RSU1: variants seen among roughly 807,000 people sequenced by gnomAD.
RSU1 encodes rsu-1.
RSU1 carries 26 observed loss-of-function variants against 31.1 expected under a neutral mutation model. The ratio of observed to expected loss-of-function variants is 0.84; its 90% CI spans 0.61 to 1.16. The LOEUF is 1.16. RSU1 is among the 50% of genes most tolerant of loss of function. The pLI is 0.00. For missense variants in RSU1, 320 were observed against 339.1 expected (o/e 0.94, Z 0.44); for synonymous variants, 164 against 136.3 (o/e 1.20, Z -1.41).
intron 8 of RSU1, among the ~76,000 whole-genome samples, chr10:16,622,138 A>T (rs1387280516): frequency 6.6e-6 from 1 of 152,152 alleles, no homozygotes; most frequent in East Asian, 1.9e-4. Context: ...ACCCCAATAC[A>T]GGTGCTGTTT....
chr10:16,688,541 G>T (rs1407532241), intron 8 of RSU1, among the ~76,000 whole-genome samples: 1 of 152,082 alleles, frequency 6.6e-6, no homozygotes, highest in East Asian at 1.9e-4. Context: ...CCCGGAAGGC[G>T]GAGCTTGCAG....
At chr10:16,757,836 T>C (rs1335246852) in intron 4 of RSU1, among the ~76,000 whole-genome samples, 4 of 152,240 alleles carry the variant, frequency 2.6e-5, no homozygotes, top group Non-Finnish European at 5.9e-5. Flanking sequence ...TAAACGCTGC[T>C]TTCGGTTATC....
At chr10:16,595,787 T>C (rs1316425678) in intron 8 of RSU1, among the ~76,000 whole-genome samples, 2 of 150,794 alleles carry the variant, frequency 1.3e-5, no homozygotes, top group African/African-American at 2.5e-5. Flanking sequence ...GCCAACATGG[T>C]GAAACCCCAT....
Position 16,809,992 on chromosome 10 carries a change from T to TC in RSU1, c.109+6980_109+6981insG, listed in dbSNP as rs1056380926. Among the ~76,000 whole-genome samples, 7 of 83,850 alleles carry TC rather than the reference T, an allele frequency of 8.3e-5. No homozygotes were observed. In the East Asian group the frequency reaches 9.8e-4, roughly 12 times the overall value. The allele number at this position is 83,850 out of a possible 152,430, so 55.0% of individuals were successfully genotyped here. On this transcript the variant is annotated intron_variant, in intron 2 of 8. Coordinates refer to ENST00000345264, the MANE Select transcript of RSU1 (RefSeq NM_012425.4). ...TCCCAGCAATTTGGGAGGCCGGGGG[T>TC]GGGGGGGGGAGGTGAATCACCTGAG...
chr10:16,639,507 G>T lies in RSU1; in HGVS notation c.732-46011C>A, dbSNP rs556442124. The stretch of plus-strand genomic sequence containing the variant: ...AAATATTTTGGTACAATTAATGCGG[G>T]TTTAAAGGTAGAAACAAATCTATGC... On this transcript the variant is annotated intron_variant, in intron 8 of 8. Transcript: ENST00000345264. Among the ~76,000 whole-genome samples the T allele has an allele frequency of 1.6e-3, 251 of 152,280 alleles. 3 individuals carry two copies. The highest frequency in any genetic ancestry group is 5.9e-3 in the African/African-American group (244 of 41,550).
At chr10:16,691,722 C>CTTTTTT (rs58786188) in intron 8 of RSU1, among the ~76,000 whole-genome samples, 3 of 106,072 alleles carry the variant, frequency 2.8e-5, no homozygotes, top group African/African-American at 3.7e-5. Context: ...GCTGCTGCTT[C>CTTTTTT]TTTTTTTTTT....
intron 7 of RSU1, among the ~76,000 whole-genome samples, chr10:16,722,516 A>C (rs906853497): frequency 1.3e-5 from 2 of 152,136 alleles, no homozygotes; most frequent in African/African-American, 4.8e-5. Context: ...CTGGAACATG[A>C]AAGTGAAAAT....
At chr10:16,754,680 A>G (rs1198042864) in intron 5 of RSU1, among the ~76,000 whole-genome samples, 191 bp downstream of exon 5, 1 of 152,076 alleles carries the variant, frequency 6.6e-6, no homozygotes, top group East Asian at 1.9e-4. Context: ...CTTCAGCCCA[A>G]TGGTGTCACA....
intron 8 of RSU1, among the ~76,000 whole-genome samples, chr10:16,644,141 T>C (rs61844144): frequency 0.31 from 47,650 of 151,850 alleles, 7,638 homozygotes; most frequent in South Asian, 0.38. Flanking sequence ...CTATGGTTAC[T>C]GAAGAGTGAT....
chr10:16,720,312 T>G (rs1179879513), intron 7 of RSU1, among the ~76,000 whole-genome samples: 1 of 152,150 alleles, frequency 6.6e-6, no homozygotes, highest in Non-Finnish European at 1.5e-5. Flanking sequence ...TGGATAGCAA[T>G]GAACATCTAT....
At chr10:16,740,883 A>C (rs117622276) in intron 7 of RSU1, among the ~76,000 whole-genome samples, 1 of 152,312 alleles carries the variant, frequency 6.6e-6, no homozygotes, top group Non-Finnish European at 1.5e-5. Flanking sequence ...GATTATGATA[A>C]TCCCTGAAAT....
intron 8 of RSU1, among the ~76,000 whole-genome samples, chr10:16,611,215 C>G (rs1833886441): frequency 6.6e-6 from 1 of 152,182 alleles, no homozygotes; most frequent in Admixed American, 6.5e-5. Context: ...AGCTGTGATC[C>G]TTCTCGAGTG....
At chr10:16,803,873 A>C (rs1016967462) in intron 2 of RSU1, among the ~76,000 whole-genome samples, 1 of 152,176 alleles carries the variant, frequency 6.6e-6, no homozygotes, top group African/African-American at 2.4e-5. Flanking sequence ...AAGCTATAAA[A>C]ATTTCTAGAT....
At chr10:16,715,473 TTCTTC>T (rs949085553) in intron 7 of RSU1, among the ~76,000 whole-genome samples, 31 of 152,230 alleles carry the variant, frequency 2.0e-4, no homozygotes, top group Non-Finnish European at 1.2e-4. Flanking sequence ...TTTGAGTTAA[TTCTTC>T]TATATGTTAT....
chr10:16,636,741 T>G (rs549688765), intron 8 of RSU1, among the ~76,000 whole-genome samples: 1 of 152,264 alleles, frequency 6.6e-6, no homozygotes, highest in East Asian at 1.9e-4. Context: ...GCAGGGTGGG[T>G]GCACTTGCCA....
In RSU1 at chr10:16,645,972, ATATG is replaced by A. The variant is rs1834554397; in HGVS notation, c.731+49047_731+49050del. On this transcript the variant is annotated intron_variant, in intron 8 of 8. Transcript: ENST00000345264. ...TGTGTATATACATATATGTGTATAT[ATATG>A]TGTATATACATATATGTGTATATAT... 1.8e-4 allele frequency among the ~76,000 whole-genome samples: 13 copies of A among 72,296 alleles called. 2 individuals carry two copies. The highest frequency in any genetic ancestry group is 7.1e-4 in the Admixed American group (5 of 7,092). 47.4% of individuals were successfully genotyped at this position (72,296 alleles called of 152,430 possible).
intron 4 of RSU1, among the ~76,000 whole-genome samples, chr10:16,758,501 G>C (rs1444628493): frequency 6.6e-6 from 1 of 152,166 alleles, no homozygotes; most frequent in Admixed American, 6.5e-5. Context: ...TTTAAGGTAG[G>C]AGACAGCTAG....
intron 8 of RSU1, among the ~76,000 whole-genome samples, chr10:16,597,874 C>A (rs952002203): frequency 6.6e-6 from 1 of 152,202 alleles, no homozygotes; most frequent in African/African-American, 2.4e-5. Context: ...TGCTGTCCGC[C>A]GCACGATCCT....
chr10:16,751,655 A>G (rs1343658883), intron 7 of RSU1, among the ~76,000 whole-genome samples: 1 of 152,230 alleles, frequency 6.6e-6, no homozygotes, highest in Admixed American at 6.5e-5. Flanking sequence ...TGGTGATTGC[A>G]TTCTAATTTC....
Sources: gnomAD v4.1 joint callset for allele counts (sites outside exome capture counted in the v4.1 genomes callset) on GRCh38, gnomAD v4.1.1 for gene constraint, MANE v1.5 for transcripts, NCBI Gene and HGNC (gene_info 2026-07-23, HGNC 2026-07-21) for gene names.